The following PCDH11X variants were observed in gnomAD, a reference collection of about 807,000 sequenced individuals.
The protein encoded by PCDH11X is protocadherin-11 X-linked.
A neutral mutation model predicts 53.3 loss-of-function variants in PCDH11X; 18 were observed. The observed-to-expected ratio is 0.34, with a 90% CI of 0.23 to 0.50. The LOEUF is 0.50. Ranked by LOEUF, PCDH11X falls within the 20% of genes least tolerant of loss-of-function variation. The probability of loss-of-function intolerance (pLI) is 0.98; values close to 1 mark genes in which losing one functional copy is unlikely to be tolerated. For missense variants in PCDH11X, 570 were observed against 1,032.4 expected, an observed-to-expected ratio of 0.55 and a Z score of 6.14; for synonymous variants, 279 against 393.3, an observed-to-expected ratio of 0.71 and a Z score of 3.44.
intron 6 of PCDH11X, among the ~76,000 whole-genome samples, chrX:91,989,650 G>C (rs1331183244): frequency 2.7e-5 from 3 of 109,574 alleles, no homozygotes; most frequent in Non-Finnish European, 5.7e-5. Flanking sequence ...GGAGGTAGTG[G>C]CATGAACCCT....
intron 5 of PCDH11X, among the ~76,000 whole-genome samples, chrX:91,844,595 T>A (rs1411108864): frequency 9.1e-6 from 1 of 109,858 alleles, no homozygotes; most frequent in African/African-American, 3.3e-5. Flanking sequence ...CGACTGTTTT[T>A]TTTTTCCAGT....
intron 6 of PCDH11X, among the ~76,000 whole-genome samples, chrX:91,889,256 G>A (rs1210318563): frequency 9.0e-6 from 1 of 111,310 alleles, no homozygotes; most frequent in African/African-American, 3.3e-5. Flanking sequence ...TATGAATTGA[G>A]TGTATTTTTT....
chrX:92,552,439 G>T (rs1243297111), intron 10 of PCDH11X, among the ~76,000 whole-genome samples: 1 of 104,906 alleles, frequency 9.5e-6, no homozygotes, highest in Non-Finnish European at 2.0e-5. Flanking sequence ...TTTCGTTCGT[G>T]CAGTCTTAGG....
chrX:92,183,211 T>C (rs1297108449), intron 6 of PCDH11X, among the ~76,000 whole-genome samples: 1 of 110,183 alleles, frequency 9.1e-6, no homozygotes, highest in Non-Finnish European at 1.9e-5. Context: ...ACATTTGCCA[T>C]TGTCCTCCAA....
intron 6 of PCDH11X, among the ~76,000 whole-genome samples, chrX:92,174,568 C>T (rs1270308782): frequency 9.0e-6 from 1 of 111,606 alleles, no homozygotes; most frequent in Non-Finnish European, 1.9e-5. Context: ...TAAGTCATAA[C>T]TGGGAATGTT....
rs757508482 is a variant in PCDH11X, at chrX:92,130,415, C to T, written c.3034-70960C>T. ...TAATCATGCCAGCACTTTGGGAGGC[C>T]GAGGTGGGCAGATCACCTGAGGTCA... is the stretch of plus-strand genomic sequence containing the variant. On this transcript the variant is annotated intron_variant, in intron 6 of 10. Coordinates refer to ENST00000682573, the MANE Select transcript of PCDH11X (RefSeq NM_032968.5). 1.2e-4 allele frequency among the ~76,000 whole-genome samples: 13 copies of T among 110,115 alleles called. No homozygotes were observed. In the East Asian group the frequency reaches 2.3e-3, roughly 20 times the overall value.
rs1054208132 is a variant in PCDH11X, at chrX:91,838,017, A to G, written c.540+1973A>G. The stretch of plus-strand genomic sequence containing the variant: ...AATTAATAGATAAAATCAAAATGAG[A>G]CCTTACCAAGTTTAAATCAGATATT... On this transcript the variant is annotated intron_variant, in intron 5 of 10. Coordinates refer to ENST00000682573, the MANE Select transcript of PCDH11X (RefSeq NM_032968.5). Among the ~76,000 whole-genome samples the G allele has an allele frequency of 5.4e-5, 6 of 112,073 alleles. No individual in the cohort carries two copies. The Admixed American group carries it at 5.7e-4, about 11-fold the overall frequency.
chrX:92,054,690 C>T (rs1394828412), intron 6 of PCDH11X, among the ~76,000 whole-genome samples: 1 of 109,428 alleles, frequency 9.1e-6, no homozygotes, highest in Non-Finnish European at 1.9e-5. Context: ...CATGGTGGCA[C>T]ATGCCTGTAA....
chrX:92,299,652 G>T (rs1388704606), intron 8 of PCDH11X, among the ~76,000 whole-genome samples: 8 of 110,746 alleles, frequency 7.2e-5, no homozygotes, highest in Non-Finnish European at 1.5e-4. Flanking sequence ...TGGGGTCAGT[G>T]GTAATGTCCT....
At chrX:91,979,013 A>G (rs1417763732) in intron 6 of PCDH11X, among the ~76,000 whole-genome samples, 6 of 111,873 alleles carry the variant, frequency 5.4e-5, no homozygotes, top group Non-Finnish European at 9.4e-5. Flanking sequence ...TTTAAAATGT[A>G]ATAATAAATC....
At chrX:92,210,470 A>G (rs2066564215) in intron 7 of PCDH11X, among the ~76,000 whole-genome samples, 1 of 108,637 alleles carries the variant, frequency 9.2e-6, no homozygotes, top group African/African-American at 3.4e-5. Flanking sequence ...TGATCTCCTG[A>G]CCTTGTGATC....
At chrX:92,353,568 C>G (rs1243981676) in intron 8 of PCDH11X, among the ~76,000 whole-genome samples, 1 of 110,649 alleles carries the variant, frequency 9.0e-6, no homozygotes, top group Non-Finnish European at 1.9e-5. Flanking sequence ...ATAATTCATT[C>G]AGGAATGACT....
intron 10 of PCDH11X, among the ~76,000 whole-genome samples, chrX:92,607,037 C>T (rs1484386416): frequency 1.8e-5 from 2 of 111,258 alleles, no homozygotes; most frequent in Middle Eastern, 4.6e-3. Context: ...TTGGTAAGTG[C>T]GTAAAGAAAT....
intron 6 of PCDH11X, among the ~76,000 whole-genome samples, chrX:91,967,703 C>T (rs889264210): frequency 1.2e-4 from 13 of 111,448 alleles, no homozygotes; most frequent in African/African-American, 4.2e-4. Flanking sequence ...AAGGAAGACC[C>T]CCCTAGCAAC....
At chrX:91,788,649 T>C (rs1239695764) in intron 1 of PCDH11X, among the ~76,000 whole-genome samples, 1 of 112,319 alleles carries the variant, frequency 8.9e-6, no homozygotes, top group Non-Finnish European at 1.9e-5. Context: ...TTAGGGAGTA[T>C]GGGTCAGGCA....
At chrX:92,042,261 C>T (rs1354147359) in intron 6 of PCDH11X, among the ~76,000 whole-genome samples, 1 of 109,802 alleles carries the variant, frequency 9.1e-6, no homozygotes, top group African/African-American at 3.3e-5. Flanking sequence ...ATGTCACATT[C>T]TTCGGTGAAC....
rs189713463 is a variant in PCDH11X at position 91,929,224 on chromosome X, T to G, written c.3033+49951T>G. ...TCTAGCAAAATTATTTCAACCATTTTGATCATTACTGTGAATTATTTAGTT... is the reference window on the plus strand; with the variant it reads ...TCTAGCAAAATTATTTCAACCATTTGGATCATTACTGTGAATTATTTAGTT... On this transcript the variant is annotated intron_variant, in intron 6 of 10. Coordinates refer to ENST00000682573, the MANE Select transcript of PCDH11X (RefSeq NM_032968.5). 6.4e-3 allele frequency among the ~76,000 whole-genome samples: 714 copies of G among 111,261 alleles called. 5 individuals carry two copies. The highest frequency in any genetic ancestry group is 0.023 in the African/African-American group (691 of 30,661).
chrX:92,220,650 A>G (rs1040653137), intron 7 of PCDH11X, among the ~76,000 whole-genome samples: 17 of 110,794 alleles, frequency 1.5e-4, no homozygotes, highest in Non-Finnish European at 2.3e-4. Flanking sequence ...GCGATTCCTC[A>G]GGGATGTAGA....
intron 7 of PCDH11X, among the ~76,000 whole-genome samples, chrX:92,256,394 A>G (rs968978829): frequency 9.1e-6 from 1 of 109,789 alleles, no homozygotes; most frequent in Non-Finnish European, 1.9e-5. Flanking sequence ...TGCAGAAATC[A>G]CCCATCTTCT....
Sources: gnomAD v4.1 joint callset for allele counts (sites outside exome capture counted in the v4.1 genomes callset) on GRCh38, gnomAD v4.1.1 for gene constraint, MANE v1.5 for transcripts, NCBI Gene and HGNC (gene_info 2026-07-23, HGNC 2026-07-21) for gene names.